PPM1L: variants seen among roughly 807,000 people sequenced by gnomAD.
PPM1L encodes the protein protein phosphatase 1L.
PPM1L carries 13 observed loss-of-function variants against 31.4 expected under a neutral mutation model. The ratio of observed to expected loss-of-function variants is 0.41; its 90% CI spans 0.27 to 0.66. The LOEUF is 0.66. Ranked by LOEUF, PPM1L falls within the 30% of genes least tolerant of loss-of-function variation. The probability of loss-of-function intolerance (pLI) is 0.29; values close to 1 mark genes in which losing one functional copy is unlikely to be tolerated. For synonymous variants in PPM1L, 184 were observed against 175.4 expected (o/e 1.05, Z -0.39); for missense variants, 326 against 453.7 (o/e 0.72, Z 2.56).
intron 2 of PPM1L, among the ~76,000 whole-genome samples, chr3:160,973,794 A>C: frequency 1.8e-5 from 1 of 55,740 alleles, no homozygotes; most frequent in African/African-American, 5.0e-5. Context: ...TTTTTTTTTT[A>C]ACCAAGACTT....
intron 1 of PPM1L, among the ~76,000 whole-genome samples, chr3:160,875,913 C>A (rs753908141): frequency 1.3e-5 from 2 of 152,196 alleles, no homozygotes; most frequent in Non-Finnish European, 2.9e-5. Context: ...AGACTCTTGA[C>A]ATTCAATGTA....
At chr3:160,944,747 AATATAT>A (rs1491089770) in intron 1 of PPM1L, among the ~76,000 whole-genome samples, 1 of 95,862 alleles carries the variant, frequency 1.0e-5, no homozygotes, top group Non-Finnish European at 2.3e-5. Context: ...TATATTATAT[AATATAT>A]ATGTTATATA....
At chr3:160,760,952 G>A (rs1360560743) in intron 1 of PPM1L, among the ~76,000 whole-genome samples, 3 of 152,234 alleles carry the variant, frequency 2.0e-5, no homozygotes, top group South Asian at 2.1e-4. Flanking sequence ...TACTTCAAGC[G>A]CTTGCCAGGG....
rs1032087371 is a variant in PPM1L, at chr3:160,756,431, C to T, written c.123C>T (p.His41=). Residue 41 remains histidine (H), a synonymous_variant, in exon 1 of 4, where the codon CAC becomes CAT. Transcript: ENST00000498165. This position sits in a 1 kb window ranked among gnomAD's most constrained non-coding sequence, Gnocchi z 6.2. ...ISLALWSYFF[H]TDEVKTIVKS... ...TGGCTCTATGGAGTTACTTCTTCCA[C>T]ACCGACGAGGTGAAGACCATCGTGA... The T allele has an allele frequency of 7.4e-6, 12 of 1,614,136 alleles. No homozygotes were observed. Among genetic ancestry groups the T allele is most frequent in the Non-Finnish European group, 9.3e-6 (11 of 1,180,060 alleles).
chr3:160,764,432 A>G (rs1715051110), intron 1 of PPM1L, among the ~76,000 whole-genome samples: 1 of 150,738 alleles, frequency 6.6e-6, no homozygotes, highest in East Asian at 1.9e-4. Flanking sequence ...AATGCTTTAT[A>G]TTTGATTTGT....
At chr3:161,063,236 TAAC>T (rs1398947864) in intron 2 of PPM1L, among the ~76,000 whole-genome samples, 2 of 152,184 alleles carry the variant, frequency 1.3e-5, no homozygotes, top group African/African-American at 2.4e-5. Flanking sequence ...CAAAAACTGG[TAAC>T]AACAATTTCT....
intron 1 of PPM1L, among the ~76,000 whole-genome samples, chr3:160,944,937 T>C (rs1320350735): frequency 1.7e-5 from 1 of 59,904 alleles, no homozygotes; most frequent in African/African-American, 6.4e-5. Flanking sequence ...ATATATATAT[T>C]ATATATAACT....
At chr3:160,845,129 A>C (rs1294645580) in intron 1 of PPM1L, among the ~76,000 whole-genome samples, 1 of 152,136 alleles carries the variant, frequency 6.6e-6, no homozygotes, top group Non-Finnish European at 1.5e-5. Flanking sequence ...TGAATATATA[A>C]GATTTTGTTT....
chr3:160,800,829 T>C (rs1221955755), intron 1 of PPM1L, among the ~76,000 whole-genome samples: 4 of 152,190 alleles, frequency 2.6e-5, no homozygotes, highest in Admixed American at 2.6e-4. Flanking sequence ...TTCTGTACTT[T>C]TCATGTATTT....
rs746931085 is a variant in PPM1L, at chr3:160,906,602, TAAAGA to T, written c.400-55107_400-55103del. Among the ~76,000 whole-genome samples the T allele has an allele frequency of 8.8e-3, 865 of 97,996 alleles. 9 individuals are homozygous for T. Among genetic ancestry groups the T allele is most frequent in the African/African-American group, 0.032 (664 of 20,850 alleles). 64.3% of individuals were successfully genotyped at this position (97,996 alleles called of 152,430 possible). On this transcript the variant is annotated intron_variant, in intron 1 of 3. Coordinates refer to ENST00000498165, the MANE Select transcript of PPM1L (RefSeq NM_139245.4). ...GACAACAGAGTGAGACTCTGTCTCATAAAGAAAAGAAAAGAAAAGAAAAGAAAAGA... is the reference window on the plus strand; with the variant it reads ...GACAACAGAGTGAGACTCTGTCTCATAAAGAAAAGAAAAGAAAAGAAAAGA...
chr3:160,889,473 G>A (rs1426322883), intron 1 of PPM1L, among the ~76,000 whole-genome samples: 3 of 152,150 alleles, frequency 2.0e-5, no homozygotes, highest in African/African-American at 7.2e-5. Context: ...CCTTGGATGA[G>A]ACCAATAAAA....
At chr3:161,010,450 T>A (rs1359877000) in intron 2 of PPM1L, among the ~76,000 whole-genome samples, 3 of 152,204 alleles carry the variant, frequency 2.0e-5, no homozygotes, top group Non-Finnish European at 4.4e-5. Context: ...TGGTTCCAAG[T>A]CTTTGCTATT....
chr3:160,830,507 A>G (rs1713495100), intron 1 of PPM1L, among the ~76,000 whole-genome samples: 1 of 152,190 alleles, frequency 6.6e-6, no homozygotes, highest in Non-Finnish European at 1.5e-5. Context: ...CTGAAAATTT[A>G]GGATTAATTT....
At position 161,067,554 on chromosome 3, in the gene PPM1L, T is replaced by A. The variant is rs148888902; in HGVS notation, c.737-1257T>A. ...TTAGCTGTCATTTATTGTGTGCTTA[T>A]CCTGTGCTGGCAGCAAAGCCTAGCA... On this transcript the variant is annotated intron_variant, in intron 3 of 3. Coordinates refer to ENST00000498165, the MANE Select transcript of PPM1L (RefSeq NM_139245.4). 2.6e-5 allele frequency among the ~76,000 whole-genome samples: 4 copies of A among 152,360 alleles called. No individual in the cohort carries two copies. The East Asian group carries it at 7.7e-4, about 29-fold the overall frequency.
intron 1 of PPM1L, among the ~76,000 whole-genome samples, chr3:160,927,145 A>G (rs1409279583): frequency 6.6e-6 from 1 of 152,214 alleles, no homozygotes; most frequent in Admixed American, 6.5e-5. Context: ...TACAAGGAAC[A>G]TCCCATGACT....
At chr3:160,961,937 T>G in intron 2 of PPM1L, 27 bp downstream of exon 2, 1 of 1,517,486 alleles carries the variant, frequency 6.6e-7, no homozygotes, top group Non-Finnish European at 8.8e-7. Flanking sequence ...AACACACATT[T>G]TTTTTCCTTG....
At chr3:160,760,084 A>G (rs1407911524) in intron 1 of PPM1L, among the ~76,000 whole-genome samples, 3 of 152,208 alleles carry the variant, frequency 2.0e-5, no homozygotes, top group Non-Finnish European at 4.4e-5. Context: ...ATGAAGATGT[A>G]TGTAGTGCAG....
intron 1 of PPM1L, among the ~76,000 whole-genome samples, chr3:160,878,778 T>C (rs1473247779): frequency 6.6e-6 from 1 of 152,208 alleles, no homozygotes; most frequent in East Asian, 1.9e-4. Context: ...ATATCAGGTA[T>C]AGATTATGGA....
intron 2 of PPM1L, among the ~76,000 whole-genome samples, chr3:161,030,203 G>C (rs1718522183): frequency 6.6e-6 from 1 of 152,166 alleles, no homozygotes; most frequent in South Asian, 2.1e-4. Context: ...AAAAGATAGG[G>C]CCTTTAGGAG....
Sources: gnomAD v4.1 joint callset for allele counts (sites outside exome capture counted in the v4.1 genomes callset) on GRCh38, gnomAD v4.1.1 for gene constraint, Gnocchi (gnomAD v3.1) non-coding constraint, MANE v1.5 for transcripts, NCBI Gene and HGNC (gene_info 2026-07-23, HGNC 2026-07-21) for gene names.